IL1RAPL2: variants seen among roughly 807,000 people sequenced by gnomAD.
IL1RAPL2 encodes X-linked interleukin-1 receptor accessory protein-like 2.
A neutral mutation model predicts 44.1 loss-of-function variants in IL1RAPL2; 3 were observed. That is an observed-to-expected ratio of 0.07 (90% CI 0.03 to 0.18). The LOEUF (loss-of-function observed/expected upper bound fraction) is 0.18, where lower values mean the gene tolerates loss of function less well. Ranked by LOEUF, IL1RAPL2 falls within the 10% of genes least tolerant of loss-of-function variation. The pLI, the probability that IL1RAPL2 is intolerant of heterozygous loss-of-function variation, is 1.00. For synonymous variants in IL1RAPL2, 181 were observed against 178.8 expected (o/e 1.01, Z -0.10); for missense variants, 391 against 496.4 (o/e 0.79, Z 2.02).
At chrX:104,647,431 C>T in intron 1 of IL1RAPL2, 1 of 604,344 alleles carries the variant, frequency 1.7e-6, no homozygotes, top group South Asian at 2.2e-5. Context: ...CTGCTTCCTG[C>T]TGATCCACCT....
chrX:105,496,771 T>A (rs1335776918), intron 6 of IL1RAPL2, among the ~76,000 whole-genome samples: 1 of 111,967 alleles, frequency 8.9e-6, no homozygotes, highest in African/African-American at 3.2e-5. Context: ...GTAACTCTAC[T>A]ATTATGTATG....
intron 6 of IL1RAPL2, among the ~76,000 whole-genome samples, chrX:105,544,352 A>G (rs1372068973): frequency 9.0e-6 from 1 of 111,427 alleles, no homozygotes; most frequent in Admixed American, 9.5e-5. Context: ...TGAAAGACAA[A>G]TTTACCTCTT....
chrX:105,094,384 C>T (rs2032580035), intron 2 of IL1RAPL2, among the ~76,000 whole-genome samples: 1 of 111,720 alleles, frequency 9.0e-6, no homozygotes, highest in Non-Finnish European at 1.9e-5. Flanking sequence ...ACATATCATA[C>T]ATATGCATAT....
intron 1 of IL1RAPL2, among the ~76,000 whole-genome samples, chrX:104,657,220 T>A (rs1602665193): frequency 9.0e-6 from 1 of 111,258 alleles, no homozygotes; most frequent in Non-Finnish European, 1.9e-5. Flanking sequence ...CCTGTCATTA[T>A]GATGTTACAA....
intron 6 of IL1RAPL2, among the ~76,000 whole-genome samples, chrX:105,601,513 A>G (rs372078994): frequency 2.7e-5 from 3 of 111,174 alleles, no homozygotes; most frequent in East Asian, 5.7e-4. Flanking sequence ...CCTCCCTATT[A>G]TAGGGAAAAA....
chrX:104,738,679 C>A (rs1482477035), intron 2 of IL1RAPL2, among the ~76,000 whole-genome samples: 1 of 111,591 alleles, frequency 9.0e-6, no homozygotes, highest in East Asian at 2.8e-4. Flanking sequence ...GTGGCTGATG[C>A]CTGTAATCCC....
chrX:104,921,995 C>G (rs1414468158), intron 2 of IL1RAPL2, among the ~76,000 whole-genome samples: 1 of 112,239 alleles, frequency 8.9e-6, no homozygotes, highest in Non-Finnish European at 1.9e-5. Flanking sequence ...CCGCCACCCC[C>G]CACTGGAGGG....
chrX:105,037,656 G>A (rs774626514), intron 2 of IL1RAPL2, among the ~76,000 whole-genome samples: 1 of 111,101 alleles, frequency 9.0e-6, no homozygotes, highest in Admixed American at 9.6e-5. Flanking sequence ...CCTTTCAAAG[G>A]CTAGCACTGT....
intron 4 of IL1RAPL2, among the ~76,000 whole-genome samples, chrX:105,264,055 G>A (rs1397048082): frequency 9.0e-6 from 1 of 111,154 alleles, no homozygotes; most frequent in East Asian, 2.9e-4. Context: ...TTCTTTGGCT[G>A]TGTCTGTACT....
intron 2 of IL1RAPL2, among the ~76,000 whole-genome samples, chrX:104,813,917 G>A (rs1732022082): frequency 8.9e-6 from 1 of 111,998 alleles, no homozygotes; most frequent in African/African-American, 3.2e-5. Context: ...TTGACAAAGA[G>A]TCTGTAATTG....
chrX:105,034,602 G>T (rs1443262296), intron 2 of IL1RAPL2, among the ~76,000 whole-genome samples: 1 of 111,800 alleles, frequency 8.9e-6, no homozygotes, highest in Non-Finnish European at 1.9e-5. Flanking sequence ...TCCTCTGGAG[G>T]TTTTGTCTCA....
intron 3 of IL1RAPL2, among the ~76,000 whole-genome samples, chrX:105,212,391 T>C (rs1490336586): frequency 8.9e-6 from 1 of 111,747 alleles, no homozygotes; most frequent in East Asian, 2.8e-4. Context: ...AAAGCGGCTG[T>C]GGCCAGGCTG....
intron 5 of IL1RAPL2, among the ~76,000 whole-genome samples, chrX:105,443,746 A>G (rs2035936319): frequency 8.9e-6 from 1 of 112,314 alleles, no homozygotes; most frequent in Non-Finnish European, 1.9e-5. Flanking sequence ...TCATCTGCTG[A>G]TGGACACTTA....
At chrX:104,735,102 G>C (rs1931989902) in intron 2 of IL1RAPL2, among the ~76,000 whole-genome samples, 1 of 111,709 alleles carries the variant, frequency 9.0e-6, no homozygotes, top group Non-Finnish European at 1.9e-5. Flanking sequence ...TTGCATGGAA[G>C]AGAAATAAAA....
chrX:105,533,155 A>G (rs1260965925), intron 6 of IL1RAPL2, among the ~76,000 whole-genome samples: 1 of 111,342 alleles, frequency 9.0e-6, no homozygotes, highest in Admixed American at 9.6e-5. Flanking sequence ...ATGCCACTGC[A>G]CTCCAGCCTG....
intron 2 of IL1RAPL2, among the ~76,000 whole-genome samples, chrX:104,784,787 T>TA (rs978179434): frequency 9.2e-6 from 1 of 108,186 alleles, no homozygotes; most frequent in African/African-American, 3.4e-5. Flanking sequence ...GAAAAATCTC[T>TA]AAACATCTGT....
intron 3 of IL1RAPL2, among the ~76,000 whole-genome samples, chrX:105,217,630 G>T (rs2033876722): frequency 8.9e-6 from 1 of 112,061 alleles, no homozygotes; most frequent in Admixed American, 9.5e-5. Context: ...AAAACATGCT[G>T]CCACAAAGAC....
chrX:105,347,160 C>A lies in IL1RAPL2; in HGVS notation c.697+79619C>A, dbSNP rs1464176175. On this transcript the variant is annotated intron_variant, in intron 5 of 10. Transcript: ENST00000372582. ...ATAGCACCTTCCCCATGCACCCATA[C>A]CTCCAGGTACCTGGAAAGGGTTTGT... 6.3e-5 allele frequency among the ~76,000 whole-genome samples: 7 copies of A among 111,936 alleles called. No homozygotes were observed. The Admixed American group carries it at 6.6e-4, about 11-fold the overall frequency.
chrX:104,663,955 G>A (rs928415848), intron 2 of IL1RAPL2, among the ~76,000 whole-genome samples: 2 of 109,758 alleles, frequency 1.8e-5, no homozygotes, highest in African/African-American at 6.6e-5. Flanking sequence ...TAGTCCTGAG[G>A]TGGGGCTGAC....
Sources: allele counts gnomAD v4.1 joint callset (sites outside exome capture counted in the v4.1 genomes callset), GRCh38; gene constraint gnomAD v4.1.1; transcripts MANE v1.5; gene names NCBI Gene and HGNC (gene_info 2026-07-23, HGNC 2026-07-21).